The following SDK1 variants were observed in gnomAD, a reference collection of about 807,000 sequenced individuals.
The protein encoded by SDK1 is sidekick cell adhesion molecule 1.
A neutral mutation model predicts 245.5 loss-of-function variants in SDK1; 157 were observed. The ratio of observed to expected loss-of-function variants is 0.64; its 90% CI spans 0.56 to 0.73. SDK1 has a LOEUF of 0.73. SDK1 is among the 30% of genes least tolerant of loss of function. The pLI, the probability that SDK1 is intolerant of heterozygous loss-of-function variation, is 0.00. For synonymous variants in SDK1, 1,647 were observed against 1,278.5 expected (o/e 1.29, Z -6.15); for missense variants, 3,583 against 3,002.3 (o/e 1.19, Z -4.52).
At chr7:4,032,992 T>C (rs1787942749) in intron 17 of SDK1, among the ~76,000 whole-genome samples, 1 of 150,178 alleles carries the variant, frequency 6.7e-6, no homozygotes. Context: ...TAAAAATAAA[T>C]GAGCAAAAAT....
chr7:3,525,542 T>A lies in SDK1; in HGVS notation c.299-93538T>A, dbSNP rs80002219. On this transcript the variant is annotated intron_variant, in intron 1 of 44. Transcript: ENST00000404826. ...AGCACCACCAACCTGGAAAGTGTTT[T>A]TGGTAGGTGCTGTGTGTACAACATC... Among the ~76,000 whole-genome samples the A allele has an allele frequency of 3.6e-3, 547 of 152,252 alleles. 6 individuals carry two copies. Among genetic ancestry groups the A allele is most frequent in the African/African-American group, 0.012 (494 of 41,546 alleles).
At chr7:3,537,422 G>A (rs73036000) in intron 1 of SDK1, among the ~76,000 whole-genome samples, 3,858 of 152,252 alleles carry the variant, frequency 0.025, 76 homozygotes, top group South Asian at 0.054. Flanking sequence ...TGTGTGTGCC[G>A]CTTTCCAAGG....
At chr7:4,228,960 C>A (rs1172377486) in intron 40 of SDK1, among the ~76,000 whole-genome samples, 1 of 152,066 alleles carries the variant, frequency 6.6e-6, no homozygotes, top group Non-Finnish European at 1.5e-5. Flanking sequence ...GACTGTGTGC[C>A]CAGAATTGCC....
chr7:3,419,048 A>G (rs1157217560), intron 1 of SDK1, among the ~76,000 whole-genome samples: 1 of 152,214 alleles, frequency 6.6e-6, no homozygotes, highest in East Asian at 1.9e-4. Context: ...TGACATTTAC[A>G]TGGTTTTTGT....
At chr7:3,891,150 A>G (rs1490804958) in intron 5 of SDK1, among the ~76,000 whole-genome samples, 1 of 152,160 alleles carries the variant, frequency 6.6e-6, no homozygotes. Flanking sequence ...TGGTACTTCC[A>G]CTGGGAAAGA....
chr7:4,005,063 T>C (rs75621197), intron 14 of SDK1, among the ~76,000 whole-genome samples: 1 of 141,154 alleles, frequency 7.1e-6, no homozygotes, highest in Admixed American at 6.9e-5. Flanking sequence ...TTTTTTTTTT[T>C]TGAGACGGAG....
intron 1 of SDK1, among the ~76,000 whole-genome samples, chr7:3,477,189 C>CTTTTTTTTTTTTTTTTT (rs35328849): frequency 2.5e-5 from 2 of 78,626 alleles, no homozygotes; most frequent in Non-Finnish European, 4.6e-5. Context: ...TGGTTTTCTC[C>CTTTTTTTTTTTTTTTTT]TTTTTTTTTT....
At position 4,113,435 on chromosome 7, in the gene SDK1, G is replaced by A; in HGVS notation, c.3581G>A (p.Trp1194Ter). 6.2e-7 allele frequency: 1 copy of A among 1,613,716 alleles called. No individual in the cohort carries two copies. The highest frequency in any genetic ancestry group is 8.5e-7 in the Non-Finnish European group (1 of 1,180,012). ...TASETSLRLR[W>*]VPLPDSQYNG... ...AGTGAGACCAGCCTGCGGCTTCGCTGGGTGGTGAGTGGGGGTGAGAAGGGA... is the reference window on the plus strand; with the variant it reads ...AGTGAGACCAGCCTGCGGCTTCGCTAGGTGGTGAGTGGGGGTGAGAAGGGA... The change falls in exon 24 of 45, where the codon TGG (tryptophan) becomes TAG (stop). Residue 1194 changes from tryptophan to a stop codon, truncating the protein, a stop_gained. Transcript: ENST00000404826. LOFTEE classifies it high-confidence loss of function.
At chr7:4,102,300 C>G (rs1453645462) in intron 22 of SDK1, among the ~76,000 whole-genome samples, 1 of 152,172 alleles carries the variant, frequency 6.6e-6, no homozygotes, top group Non-Finnish European at 1.5e-5. Context: ...TTTCATTTGG[C>G]TGTGGTGGGC....
At chr7:3,720,700 C>A (rs182916565) in intron 4 of SDK1, among the ~76,000 whole-genome samples, 292 of 152,304 alleles carry the variant, frequency 1.9e-3, no homozygotes, top group Non-Finnish European at 3.2e-3. Context: ...TACTCTGTGA[C>A]CCATGGGTGC....
At chr7:4,078,927 T>G (rs1401379266) in intron 21 of SDK1, among the ~76,000 whole-genome samples, 1 of 152,186 alleles carries the variant, frequency 6.6e-6, no homozygotes, top group African/African-American at 2.4e-5. Flanking sequence ...CCAAGAAGCC[T>G]AAGGCTCAAG....
rs541958025 is a variant in SDK1, at chr7:3,882,739, A to T, written c.847+61156A>T. Among the ~76,000 whole-genome samples, 472 of 151,466 alleles carry T rather than the reference A, an allele frequency of 3.1e-3. 5 individuals carry two copies. The highest frequency in any genetic ancestry group is 0.029 in the South Asian group (139 of 4,796). ...ACAAATGAGCCTTCTTTTTTTTTTT[A>T]AAAGCCAACTTGGCAGGGTCTCTCC... On this transcript the variant is annotated intron_variant, in intron 5 of 44. Coordinates refer to ENST00000404826, the MANE Select transcript of SDK1 (RefSeq NM_152744.4).
At chr7:3,397,302 A>C (rs1778739933) in intron 1 of SDK1, among the ~76,000 whole-genome samples, 1 of 151,882 alleles carries the variant, frequency 6.6e-6, no homozygotes, top group Non-Finnish European at 1.5e-5. Context: ...GGTACTTTCA[A>C]ATTTTTTTCA....
chr7:4,071,205 A>G (rs1040091678), intron 20 of SDK1, among the ~76,000 whole-genome samples: 26 of 151,356 alleles, frequency 1.7e-4, no homozygotes, highest in African/African-American at 6.3e-4. Flanking sequence ...TTGTATTTTT[A>G]GTAGAGACAG....
intron 1 of SDK1, among the ~76,000 whole-genome samples, chr7:3,415,285 C>G (rs1178244844): frequency 1.3e-5 from 2 of 152,012 alleles, no homozygotes; most frequent in Non-Finnish European, 2.9e-5. Flanking sequence ...ATAGGGCAGA[C>G]CTGGACACAT....
chr7:4,098,924 C>T (rs1444422079), intron 22 of SDK1, among the ~76,000 whole-genome samples: 1 of 151,020 alleles, frequency 6.6e-6, no homozygotes, highest in Non-Finnish European at 1.5e-5. Context: ...CCTCCTGCCC[C>T]AGCCTCCCAA....
chr7:3,559,903 A>C (rs1779696392), intron 1 of SDK1, among the ~76,000 whole-genome samples: 2 of 152,194 alleles, frequency 1.3e-5, no homozygotes, highest in East Asian at 3.8e-4. Context: ...GCTTGACAAT[A>C]AATGTTTCAG....
At chr7:3,875,058 C>T (rs929406897) in intron 5 of SDK1, among the ~76,000 whole-genome samples, 2 of 152,224 alleles carry the variant, frequency 1.3e-5, no homozygotes, top group Non-Finnish European at 2.9e-5. Context: ...CTAGCCCATA[C>T]TTGGCCTTAG....
chr7:3,701,819 A>G (rs189169413), intron 4 of SDK1, among the ~76,000 whole-genome samples: 85 of 152,096 alleles, frequency 5.6e-4, no homozygotes, highest in African/African-American at 2.0e-3. Flanking sequence ...AAATAGGCCC[A>G]CATAAGTACA....
Sources: allele counts gnomAD v4.1 joint callset (sites outside exome capture counted in the v4.1 genomes callset), GRCh38; gene constraint gnomAD v4.1.1; transcripts MANE v1.5; gene names NCBI Gene and HGNC (gene_info 2026-07-23, HGNC 2026-07-21).